Variants in JPH2 observed in about 807,000 individuals in gnomAD.
The protein encoded by JPH2 is junctophilin 2.
Under a neutral mutation model 55.9 loss-of-function variants are expected in JPH2, and 38 were observed. That is an observed-to-expected ratio of 0.68 (90% confidence interval 0.52 to 0.89). JPH2 has a LOEUF of 0.89. Ranked by LOEUF, JPH2 falls within the 40% of genes least tolerant of loss-of-function variation. The pLI is 0.00. For synonymous variants in JPH2, 480 were observed against 472.4 expected (o/e 1.02, Z -0.21); for missense variants, 964 against 1,037.6 (o/e 0.93, Z 0.97).
rs1464750590 is a variant in JPH2, at chr20:44,159,763, G to A, written c.1024C>T (p.Arg342Cys). ...GTGTCCTTGACCAGCACGTTGTGGCGGTACTTGCCCTCCTCGCGGTGGCCG... is the reference window on the plus strand; with the variant it reads ...GTGTCCTTGACCAGCACGTTGTGGCAGTACTTGCCCTCCTCGCGGTGGCCG... ...PDGHREEGKY[R>C]HNVLVKDTKR... Residue 342 changes from arginine (R) to cysteine (C), a missense_variant, in exon 2 of 6, where the codon CGC (arginine) becomes TGC (cysteine). Coordinates refer to ENST00000372980, the MANE Select transcript of JPH2 (RefSeq NM_020433.5). This position sits in a 1 kb window ranked among gnomAD's most constrained non-coding sequence, Gnocchi z 5.7. 2 of 1,613,682 alleles carry A rather than the reference G, an allele frequency of 1.2e-6. No individual in the cohort carries two copies. The highest frequency in any genetic ancestry group is 1.7e-6 in the Non-Finnish European group (2 of 1,179,948).
In JPH2 at chr20:44,107,804, G is replaced by A. The variant is rs1335705272; in HGVS notation, c.*5714C>T. 6.6e-6 allele frequency among the ~76,000 whole-genome samples: 1 copy of A among 152,218 alleles called. No homozygotes were observed. The highest frequency in any genetic ancestry group is 1.5e-5 in the Non-Finnish European group (1 of 68,036). ...ATAGGAAGAGATACAGGGTTGTGTA[G>A]TTAGCAACTGGGCCTTGAGGGAGAG... On this transcript the variant is annotated 3_prime_UTR_variant, in exon 6 of 6. Coordinates refer to ENST00000372980, the MANE Select transcript of JPH2 (RefSeq NM_020433.5).
intron 1 of JPH2, among the ~76,000 whole-genome samples, chr20:44,161,727 T>G (rs1335446067): frequency 6.6e-6 from 1 of 152,054 alleles, no homozygotes; most frequent in African/African-American, 2.4e-5. Flanking sequence ...GATACACAGC[T>G]GCCAAAATAA....
At chr20:44,114,914 G>C (rs764894353) in intron 4 of JPH2, 38 bp from the exon 5 acceptor site, 58 of 1,516,710 alleles carry the variant, frequency 3.8e-5, no homozygotes, top group Non-Finnish European at 5.1e-5. Flanking sequence ...AGTCCCCATG[G>C]CCTCGGAGAC....
intron 1 of JPH2, among the ~76,000 whole-genome samples, chr20:44,171,742 G>A (rs1223939355): frequency 6.6e-6 from 1 of 152,132 alleles, no homozygotes; most frequent in African/African-American, 2.4e-5. Context: ...CTTCCTCAAG[G>A]ACGCCTTCTC....
chr20:44,139,165 G>T (rs1391281888), intron 2 of JPH2, among the ~76,000 whole-genome samples: 1 of 152,192 alleles, frequency 6.6e-6, no homozygotes, highest in African/African-American at 2.4e-5. Flanking sequence ...CAAGGACAAG[G>T]CAAGGAGAGC....
intron 1 of JPH2, chr20:44,177,340 C>T (rs1320925445): frequency 1.4e-5 from 14 of 986,986 alleles, no homozygotes; most frequent in Non-Finnish European, 1.7e-5. Context: ...GGGCCTGCTC[C>T]GGGGAACAGC....
chr20:44,159,344 A>G lies in JPH2; in HGVS notation c.1169+274T>C, dbSNP rs551910038. ...TGGAATGGGTAGGGGAATGGAGTGG[A>G]TGACTGGAGAGATGGCTGTTCAGGT... On this transcript the variant is annotated intron_variant, in intron 2 of 5. Transcript: ENST00000372980. The surrounding 1 kb of genome is among the most constrained non-coding windows in gnomAD (Gnocchi z 5.7). Among the ~76,000 whole-genome samples the G allele has an allele frequency of 6.6e-6, 1 of 151,962 alleles. No individual in the cohort carries two copies. Among genetic ancestry groups the G allele is most frequent in the Non-Finnish European group, 1.5e-5 (1 of 67,990 alleles).
chr20:44,175,710 C>T (rs891883819), intron 1 of JPH2, among the ~76,000 whole-genome samples: 7 of 152,234 alleles, frequency 4.6e-5, no homozygotes, highest in African/African-American at 1.7e-4. Context: ...TGGCTCACCC[C>T]CAGAAGCAGG....
chr20:44,166,317 C>T (rs920786013), intron 1 of JPH2, among the ~76,000 whole-genome samples: 4 of 152,160 alleles, frequency 2.6e-5, no homozygotes, highest in Admixed American at 1.3e-4. Flanking sequence ...AACTCACATC[C>T]GTGTCTGGCT....
At chr20:44,182,911 G>A (rs1160593444) in intron 1 of JPH2, among the ~76,000 whole-genome samples, 1 of 152,198 alleles carries the variant, frequency 6.6e-6, no homozygotes, top group African/African-American at 2.4e-5. Flanking sequence ...ATGAATGAAT[G>A]AATAGGTTTT....
chr20:44,123,261 A>ACCCT (rs989556917), intron 2 of JPH2, among the ~76,000 whole-genome samples: 27 of 151,516 alleles, frequency 1.8e-4, no homozygotes, highest in African/African-American at 6.1e-4. Context: ...GTTCTTCAGC[A>ACCCT]CCCTCCCTCC....
In JPH2 at chr20:44,115,985, G is replaced by A. The variant is rs1185542895; in HGVS notation, c.1690C>T (p.Gln564Ter). 9 of 1,578,386 alleles carry A rather than the reference G, an allele frequency of 5.7e-6. No homozygotes were observed. Among genetic ancestry groups the A allele is most frequent in the Non-Finnish European group, 7.7e-6 (9 of 1,170,210 alleles). ...PSREPEVALY[Q>*]GYHSYAVRTT... ...CGCACAGCATAGCTGTGGTAGCCCT[G>A]GTAAAGCGCCACCTCCGGCTCCCGC... is the stretch of plus-strand genomic sequence containing the variant. Residue 564 changes from glutamine (Q) to a stop codon, truncating the protein, a stop_gained, in exon 4 of 6, where the codon CAG (glutamine) becomes TAG (stop). Transcript: ENST00000372980. LOFTEE classifies it high-confidence loss of function.
chr20:44,135,587 GAGTCCCACA>G (rs1190220658), intron 2 of JPH2, among the ~76,000 whole-genome samples: 5 of 152,172 alleles, frequency 3.3e-5, no homozygotes, highest in African/African-American at 4.8e-5. Flanking sequence ...ATTAGTCTGT[GAGTCCCACA>G]AGGGGCAGAA....
At chr20:44,127,263 T>C (rs1600835877) in intron 2 of JPH2, among the ~76,000 whole-genome samples, 1 of 152,220 alleles carries the variant, frequency 6.6e-6, no homozygotes. Flanking sequence ...AATGCTGCTA[T>C]GGACATCTGT....
intron 2 of JPH2, among the ~76,000 whole-genome samples, chr20:44,126,227 T>C (rs1209221472): frequency 6.9e-6 from 1 of 144,852 alleles, no homozygotes; most frequent in Non-Finnish European, 1.5e-5. Flanking sequence ...GGGGGCACAG[T>C]GTTTTGAAGG....
At chr20:44,119,489 C>G (rs1310580684) in intron 2 of JPH2, among the ~76,000 whole-genome samples, 1 of 152,138 alleles carries the variant, frequency 6.6e-6, no homozygotes, top group African/African-American at 2.4e-5. Flanking sequence ...ATGTGCCTAC[C>G]CCCGGCTGAT....
intron 5 of JPH2, among the ~76,000 whole-genome samples, chr20:44,114,565 A>AGTGTGTGT (rs3037626): frequency 9.9e-5 from 14 of 141,904 alleles, no homozygotes; most frequent in South Asian, 2.4e-4. Flanking sequence ...TAATGAAGTA[A>AGTGTGTGT]GTGTGTGTGT....
At chr20:44,163,507 GCCCCCATTAAGGATCAAGAA>G (rs1399477478) in intron 1 of JPH2, among the ~76,000 whole-genome samples, 7 of 152,118 alleles carry the variant, frequency 4.6e-5, no homozygotes, top group Non-Finnish European at 1.0e-4. Context: ...TGCATGAAGA[GCCCCCATTAAGGATCAAGAA>G]CCCCCATTAA....
At chr20:44,155,431 T>A (rs2072558975) in intron 2 of JPH2, among the ~76,000 whole-genome samples, 1 of 152,244 alleles carries the variant, frequency 6.6e-6, no homozygotes, top group African/African-American at 2.4e-5. Flanking sequence ...AGTGTAATTA[T>A]TTAAAATGTT....
Sources: allele counts gnomAD v4.1 joint callset (sites outside exome capture counted in the v4.1 genomes callset), GRCh38; gene constraint gnomAD v4.1.1; non-coding constraint Gnocchi (gnomAD v3.1); transcripts MANE v1.5; gene names NCBI Gene and HGNC (gene_info 2026-07-23, HGNC 2026-07-21).